Variants in KBTBD6 observed in about 807,000 individuals in gnomAD.
The protein encoded by KBTBD6 is kelch repeat and BTB domain-containing protein 6.
In KBTBD6, 6 loss-of-function variants were observed where a neutral mutation model predicts 34.4. That is an observed-to-expected ratio of 0.17 (90% CI 0.10 to 0.34). KBTBD6 has a LOEUF of 0.34. Among genes scored for constraint, KBTBD6 ranks in the 10% least tolerant of loss-of-function variants. The pLI is 1.00. For missense variants in KBTBD6, 557 were observed against 856.0 expected (o/e 0.65, Z 4.36); for synonymous variants, 288 against 327.2 (o/e 0.88, Z 1.29).
chr13:41,132,616 G>C lies in KBTBD6; in HGVS notation c.-105C>G. The C allele has an allele frequency of 7.5e-7, 1 of 1,333,590 alleles. No homozygotes were observed. Among genetic ancestry groups the C allele is most frequent in the Non-Finnish European group, 1.0e-6 (1 of 964,886 alleles). 82.6% of individuals were successfully genotyped at this position (1,333,590 alleles called of 1,614,324 possible). On this transcript the variant is annotated 5_prime_UTR_variant, in exon 1 of 1. Transcript: ENST00000379485. The stretch of plus-strand genomic sequence containing the variant: ...ACGCTAAGATAGCAGCGTCTCCGAA[G>C]AGACAGCAGCACGAGCCCATTTACT...
In KBTBD6 at chr13:41,131,127, T is replaced by C; in HGVS notation, c.1385A>G (p.Asn462Ser). Residue 462 changes from asparagine (N) to serine (S), a missense_variant, in exon 1 of 1, where the codon AAC becomes AGC. Coordinates refer to ENST00000379485, the MANE Select transcript of KBTBD6 (RefSeq NM_152903.5). This position sits in a 1 kb window ranked among gnomAD's most constrained non-coding sequence, Gnocchi z 5.8. The stretch of plus-strand genomic sequence containing the variant: ...CAGTGGAGCCACCAATGCCCACTGG[T>C]TTCTCTTAACATTGTAGCATTCCAC... ...KEVECYNVKR[N>S]QWALVAPLPH... is the part of the protein sequence containing the mutation. 1 of 1,614,136 alleles carries C rather than the reference T, an allele frequency of 6.2e-7. No individual in the cohort carries two copies. Among genetic ancestry groups the C allele is most frequent in the Non-Finnish European group, 8.5e-7 (1 of 1,180,010 alleles).
At position 41,131,280 on chromosome 13, in the gene KBTBD6, G is replaced by A. The variant is rs751186782; in HGVS notation, c.1232C>T (p.Ala411Val). 5.0e-6 allele frequency: 8 copies of A among 1,614,186 alleles called. No individual in the cohort carries two copies. The highest frequency in any genetic ancestry group is 1.1e-5 in the South Asian group (1 of 91,086). ...TGCAAGTTGCTGCCAACTATTCTGA[G>A]CTGGTTTATACACCCAGAGGTCTGT... ...PRTDLWVYKPAQNSWQQLADR... is the reference protein window; with the variant it reads ...PRTDLWVYKPVQNSWQQLADR... The change falls in exon 1 of 1, where the codon GCT becomes GTT. Residue 411 changes from alanine to valine, a missense_variant. Around this residue, in one of 4 missense-constraint regions of KBTBD6, gnomAD observed 309 missense variants for 504.5 expected, o/e 0.61. Transcript: ENST00000379485. The surrounding 1 kb of genome is among the most constrained non-coding windows in gnomAD (Gnocchi z 5.8).
rs147388453 is a variant in KBTBD6 at position 41,132,314 on chromosome 13, G to C, written c.198C>G (p.Thr66=). The change falls in exon 1 of 1, where the codon ACC becomes ACG. Residue 66 remains threonine, a synonymous_variant. Coordinates refer to ENST00000379485, the MANE Select transcript of KBTBD6 (RefSeq NM_152903.5). ...CGCTGCCAGGCGTCACCACCTCGAT[G>C]GTCACATCACACAGCAGCCGCGCAT... ...FYDARLLCDV[T]IEVVTPGSGP... is the part of the protein sequence containing the mutation. 1.8e-3 allele frequency: 2,933 copies of C among 1,614,230 alleles called. 56 individuals carry two copies. The African/African-American group carries it at 0.035, about 19-fold the overall frequency.
In KBTBD6 at chr13:41,131,157, T is replaced by C. The variant is rs758041440; in HGVS notation, c.1355A>G (p.Lys452Arg). The C allele has an allele frequency of 5.6e-6, 9 of 1,614,202 alleles. No homozygotes were observed. In the Admixed American group the frequency reaches 1.5e-4, roughly 27 times the overall value. The change falls in exon 1 of 1, where the codon AAG (lysine) becomes AGG (arginine). Residue 452 changes from lysine to arginine, a missense_variant. Lys to Arg is a conservative substitution (Grantham distance 26, BLOSUM62 2). Around this residue, in one of 4 missense-constraint regions of KBTBD6, gnomAD observed 309 missense variants for 504.5 expected, o/e 0.61. Transcript: ENST00000379485. This position sits in a 1 kb window ranked among gnomAD's most constrained non-coding sequence, Gnocchi z 5.8. ...CTTAACATTGTAGCATTCCACTTCC[T>C]TCAACTTAACTCCAGTAATAGGGTC... Reference protein sequence around the residue: ...GRDPITGVKLKEVECYNVKRN... With the variant: ...GRDPITGVKLREVECYNVKRN...
Position 41,130,461 on chromosome 13 carries a change from A to T in KBTBD6, c.*26T>A. 1 of 1,530,412 alleles carries T rather than the reference A, an allele frequency of 6.5e-7. No individual in the cohort carries two copies. The highest frequency in any genetic ancestry group is 2.3e-5 in the East Asian group (1 of 44,294). The allele number at this position is 1,530,412 out of a possible 1,614,324, so 94.8% of individuals were successfully genotyped here. On this transcript the variant is annotated 3_prime_UTR_variant, in exon 1 of 1. Transcript: ENST00000379485. The surrounding 1 kb of genome is among the most constrained non-coding windows in gnomAD (Gnocchi z 4.8). ...CAACTTAGTGTTTCAATCTAGTTAC[A>T]ACAAACCCTGTTGATCCTGTGCATT...
In KBTBD6 at chr13:41,132,684, A is replaced by G. The variant is rs1024543081; in HGVS notation, c.-173T>C. On this transcript the variant is annotated 5_prime_UTR_variant, in exon 1 of 1. Transcript: ENST00000379485. ...GCAGAACCGCCTCCCGTTATCGTTT[A>G]GACAGTGGCTGACTCACCCTCTCTC... 1.3e-6 allele frequency: 1 copy of G among 755,574 alleles called. No individual in the cohort carries two copies. Among genetic ancestry groups the G allele is most frequent in the Non-Finnish European group, 2.1e-6 (1 of 466,610 alleles). 46.8% of individuals were successfully genotyped at this position (755,574 alleles called of 1,614,324 possible). A position where few individuals can be genotyped will look rare whatever the true frequency, so the allele number is the denominator to read the frequency against.
At position 41,132,239 on chromosome 13, in the gene KBTBD6, C is replaced by G. The variant is rs1286747295; in HGVS notation, c.273G>C (p.Ala91=). 4 of 1,614,220 alleles carry G rather than the reference C, an allele frequency of 2.5e-6. No individual in the cohort carries two copies. The highest frequency in any genetic ancestry group is 3.4e-6 in the Non-Finnish European group (4 of 1,180,050). Residue 91 remains alanine (A), a synonymous_variant, in exon 1 of 1, where the codon GCG becomes GCC. Coordinates refer to ENST00000379485, the MANE Select transcript of KBTBD6 (RefSeq NM_152903.5). The part of the protein sequence containing the change: ...LFPCNRNVLA[A]ACPYFKSMFT... Reference sequence around the variant, plus strand: ...ACATGCTCTTGAAGTAGGGACATGCCGCGGCCAGCACATTGCGGTTGCAGG... The same window carrying G: ...ACATGCTCTTGAAGTAGGGACATGCGGCGGCCAGCACATTGCGGTTGCAGG...
rs148253567 is a variant in KBTBD6, at chr13:41,131,589, T to C, written c.923A>G (p.Tyr308Cys). The C allele has an allele frequency of 2.0e-4, 315 of 1,613,912 alleles. 1 individual carries two copies. Among genetic ancestry groups the C allele is most frequent in the African/African-American group, 1.8e-3 (138 of 75,010 alleles). ...ALQMRYGDLL[Y>C]KSLVPVPNSS... ...GTTTGGCACTGGCACCAGAGACTTG[T>C]ACAACAGGTCACCATAGCGCATCTG... Residue 308 changes from tyrosine (Y) to cysteine (C), a missense_variant, in exon 1 of 1, where the codon TAC becomes TGC. Tyr to Cys is a radical substitution (Grantham distance 194). Around this residue, in one of 4 missense-constraint regions of KBTBD6, gnomAD observed 309 missense variants for 504.5 expected, o/e 0.61. Transcript: ENST00000379485. This position sits in a 1 kb window ranked among gnomAD's most constrained non-coding sequence, Gnocchi z 5.8.
At position 41,128,491 on chromosome 13, in the gene KBTBD6, G is replaced by T; in HGVS notation, c.*1996C>A. The T allele has an allele frequency of 2.5e-6, 1 of 397,186 alleles. No homozygotes were observed. The highest frequency in any genetic ancestry group is 1.3e-4 in the South Asian group (1 of 7,832). The allele number at this position is 397,186 out of a possible 1,614,324, so 24.6% of individuals were successfully genotyped here. On this transcript the variant is annotated 3_prime_UTR_variant, in exon 1 of 1. Coordinates refer to ENST00000379485, the MANE Select transcript of KBTBD6 (RefSeq NM_152903.5). ...AACAGAAAAACAAAGACTGGAGCAT[G>T]GTTTACAGAGAAATACAAAACACAT...
Position 41,131,723 on chromosome 13 carries a change from C to T in KBTBD6, c.789G>A (p.Lys263=). Reference sequence around the variant, plus strand: ...CAGTGAAGTGCATCCAGCGCACGCACTTGAAGACTTCTGCAGCACTGGGAC... The same window carrying T: ...CAGTGAAGTGCATCCAGCGCACGCATTTGAAGACTTCTGCAGCACTGGGAC... ...ERGPSAAEVF[K]CVRWMHFTEE... The change falls in exon 1 of 1, where the codon AAG becomes AAA. Residue 263 remains lysine, a synonymous_variant. Transcript: ENST00000379485. This position sits in a 1 kb window ranked among gnomAD's most constrained non-coding sequence, Gnocchi z 5.8. The T allele has an allele frequency of 1.2e-6, 2 of 1,614,266 alleles. No homozygotes were observed. Among genetic ancestry groups the T allele is most frequent in the Non-Finnish European group, 1.7e-6 (2 of 1,180,040 alleles).
In KBTBD6 at chr13:41,131,251, G is replaced by A. The variant is rs867793426; in HGVS notation, c.1261C>T (p.Arg421Cys). 1.2e-6 allele frequency: 2 copies of A among 1,614,136 alleles called. No homozygotes were observed. Among genetic ancestry groups the A allele is most frequent in the Non-Finnish European group, 8.5e-7 (1 of 1,180,038 alleles). ...TCCATGCCCTCACGACACAGCAAGC[G>A]ATCTGCAAGTTGCTGCCAACTATTC... ...AQNSWQQLADRLLCREGMDVA... is the reference protein window; with the variant it reads ...AQNSWQQLADCLLCREGMDVA... Residue 421 changes from arginine (R) to cysteine (C), a missense_variant, in exon 1 of 1, where the codon CGC (arginine) becomes TGC (cysteine). Around this residue, in one of 4 missense-constraint regions of KBTBD6, gnomAD observed 309 missense variants for 504.5 expected, o/e 0.61. Coordinates refer to ENST00000379485, the MANE Select transcript of KBTBD6 (RefSeq NM_152903.5). The surrounding 1 kb of genome is among the most constrained non-coding windows in gnomAD (Gnocchi z 5.8).
In KBTBD6 at chr13:41,131,854, C is replaced by T; in HGVS notation, c.658G>A (p.Ala220Thr). The change falls in exon 1 of 1, where the codon GCC becomes ACC. Residue 220 changes from alanine to threonine, a missense_variant. By Grantham distance (58) the Ala-to-Thr change is moderately conservative (BLOSUM62 0). This residue lies in a region of KBTBD6 where 100 missense variants were observed against 102.1 expected (regional missense o/e 0.98). Coordinates refer to ENST00000379485, the MANE Select transcript of KBTBD6 (RefSeq NM_152903.5). This position sits in a 1 kb window ranked among gnomAD's most constrained non-coding sequence, Gnocchi z 5.8. ...AAGCGCAGGACAGCCAGCAGCTGGG[C>T]CAGGGTCAGATCTGCTAGAGTCTCC... ...REETLADLTL[A>T]QLLAVLRLDS... 2.5e-6 allele frequency: 4 copies of T among 1,614,240 alleles called. No individual in the cohort carries two copies. The highest frequency in any genetic ancestry group is 3.4e-6 in the Non-Finnish European group (4 of 1,180,038).
In KBTBD6 at chr13:41,132,487, G is replaced by A. The variant is rs1212152970; in HGVS notation, c.25C>T (p.Arg9Cys). Residue 9 changes from arginine to cysteine, a missense_variant, in exon 1 of 1, where the codon CGC becomes TGC. Transcript: ENST00000379485. MQSREDAP[R>C]SRRLASPRGG... ...CGGGGACTGGCTAGGCGGCGAGAGCGCGGGGCGTCTTCCCGGGACTGCATG... is the reference window on the plus strand; with the variant it reads ...CGGGGACTGGCTAGGCGGCGAGAGCACGGGGCGTCTTCCCGGGACTGCATG... 1 of 1,614,158 alleles carries A rather than the reference G, an allele frequency of 6.2e-7. No homozygotes were observed.
chr13:41,129,546 TC>T lies in KBTBD6; in HGVS notation c.*940del, dbSNP rs1295479165. ...CGAAACTTCTTTTCAAACAGTAGAA[TC>T]CTGGTTTGTTGTTTTTACTGTCAAT... On this transcript the variant is annotated 3_prime_UTR_variant, in exon 1 of 1. Transcript: ENST00000379485. 4.6e-5 allele frequency: 7 copies of T among 151,930 alleles called. No homozygotes were observed. The highest frequency in any genetic ancestry group is 1.7e-4 in the African/African-American group (7 of 41,384). 9.4% of individuals were successfully genotyped at this position (151,930 alleles called of 1,614,324 possible).
Position 41,128,341 on chromosome 13 carries a change from C to G in KBTBD6, c.*2146G>C, listed in dbSNP as rs2030029921. On this transcript the variant is annotated 3_prime_UTR_variant, in exon 1 of 1. Coordinates refer to ENST00000379485, the MANE Select transcript of KBTBD6 (RefSeq NM_152903.5). ...TAAGCATCTGGTCATTCATCATGTA[C>G]ATGTATCATGTCAACCATTATATAT... is the stretch of plus-strand genomic sequence containing the variant. 5.4e-6 allele frequency: 2 copies of G among 368,906 alleles called. No individual in the cohort carries two copies. Among genetic ancestry groups the G allele is most frequent in the Non-Finnish European group, 9.7e-6 (2 of 206,266 alleles). 22.9% of individuals were successfully genotyped at this position (368,906 alleles called of 1,614,324 possible). A position where few individuals can be genotyped will look rare whatever the true frequency, so the allele number is the denominator to read the frequency against.
Position 41,127,997 on chromosome 13 carries a change from G to A in KBTBD6, c.*2490C>T, listed in dbSNP as rs2138515085. ...ATTTGCCCTTTTGAAGCACATACTA[G>A]TATGGCACATTTTATTTCACTAAAA... On this transcript the variant is annotated 3_prime_UTR_variant, in exon 1 of 1. Transcript: ENST00000379485. 1 of 152,306 alleles carries A rather than the reference G, an allele frequency of 6.6e-6. No individual in the cohort carries two copies. Among genetic ancestry groups the A allele is most frequent in the Non-Finnish European group, 1.5e-5 (1 of 68,044 alleles). 9.4% of individuals were successfully genotyped at this position (152,306 alleles called of 1,614,324 possible).
At position 41,130,531 on chromosome 13, in the gene KBTBD6, A is replaced by T; in HGVS notation, c.1981T>A (p.Ser661Thr). ...EPDSESGSSSSLSDDDFWVRV... is the reference protein window; with the variant it reads ...EPDSESGSSSTLSDDDFWVRV... The stretch of plus-strand genomic sequence containing the variant: ...ACCCAAAAATCATCATCAGAAAGAG[A>T]ACTTGAACTTCCTGACTCAGAGTCT... Residue 661 changes from serine to threonine, a missense_variant, in exon 1 of 1, where the codon TCT becomes ACT. Physicochemically the swap from Ser to Thr is moderately conservative, Grantham distance 58. Transcript: ENST00000379485. This position sits in a 1 kb window ranked among gnomAD's most constrained non-coding sequence, Gnocchi z 4.8. 6.2e-7 allele frequency: 1 copy of T among 1,614,130 alleles called. No individual in the cohort carries two copies. The highest frequency in any genetic ancestry group is 8.5e-7 in the Non-Finnish European group (1 of 1,180,002).
Position 41,130,548 on chromosome 13 carries a change from T to TC in KBTBD6, c.1963dup (p.Glu655GlyfsTer10). ...AGAAAGAGAACTTGAACTTCCTGAC[T>TC]CAGAGTCTGGCTCACTGAATCCACC... On this transcript the variant is annotated frameshift_variant, in exon 1 of 1. Coordinates refer to ENST00000379485, the MANE Select transcript of KBTBD6 (RefSeq NM_152903.5). LOFTEE classifies it high-confidence loss of function. This position sits in a 1 kb window ranked among gnomAD's most constrained non-coding sequence, Gnocchi z 4.8. 1 of 1,614,216 alleles carries TC rather than the reference T, an allele frequency of 6.2e-7. No individual in the cohort carries two copies. Among genetic ancestry groups the TC allele is most frequent in the Non-Finnish European group, 8.5e-7 (1 of 1,180,038 alleles).
Position 41,128,458 on chromosome 13 carries a change from A to G in KBTBD6, c.*2029T>C. 7.6e-6 allele frequency: 3 copies of G among 395,378 alleles called. No homozygotes were observed. In the East Asian group the frequency reaches 1.1e-4, roughly 14 times the overall value. 24.5% of individuals were successfully genotyped at this position (395,378 alleles called of 1,614,324 possible). ...TCTCTGTTCCAGGACCTTCTCTTAC[A>G]TTATGGTAACAGAAAAACAAAGACT... On this transcript the variant is annotated 3_prime_UTR_variant, in exon 1 of 1. Transcript: ENST00000379485.
Sources: gnomAD v4.1 joint callset for allele counts on GRCh38, gnomAD v4.1.1 for gene constraint, gnomAD v4.1.1 regional missense constraint, Gnocchi (gnomAD v3.1) non-coding constraint, MANE v1.5 for transcripts, NCBI Gene and HGNC (gene_info 2026-07-23, HGNC 2026-07-21) for gene names.